Variants in RBM47 observed in about 807,000 individuals in gnomAD.
RBM47 encodes the protein RNA binding motif protein 47.
RBM47 carries 21 observed loss-of-function variants against 47.1 expected under a neutral mutation model. The ratio of observed to expected loss-of-function variants is 0.45; its 90% confidence interval spans 0.32 to 0.64. The LOEUF (loss-of-function observed/expected upper bound fraction) is 0.64. Among genes scored for constraint, RBM47 ranks in the 30% least tolerant of loss-of-function variants. The probability of loss-of-function intolerance (pLI) is 0.05; values close to 1 mark genes in which losing one functional copy is unlikely to be tolerated. For missense variants in RBM47, 708 were observed against 870.9 expected (o/e 0.81, Z 2.35); for synonymous variants, 375 against 361.7 (o/e 1.04, Z -0.42).
intron 1 of RBM47, among the ~76,000 whole-genome samples, chr4:40,561,227 C>CCTTT (rs1730587605): frequency 8.8e-6 from 1 of 113,646 alleles, no homozygotes; most frequent in African/African-American, 3.4e-5. Flanking sequence ...TTTCCATTGT[C>CCTTT]TTTTTTTTTT....
At chr4:40,585,562 A>G (rs1350867757) in intron 1 of RBM47, among the ~76,000 whole-genome samples, 1 of 152,236 alleles carries the variant, frequency 6.6e-6, no homozygotes, top group African/African-American at 2.4e-5. Context: ...TCATACTAGC[A>G]GCCTTGATTA....
chr4:40,531,531 G>A (rs1434791662), intron 2 of RBM47, among the ~76,000 whole-genome samples: 3 of 152,068 alleles, frequency 2.0e-5, no homozygotes, highest in Non-Finnish European at 4.4e-5. Context: ...GGGTTTCAGA[G>A]GAGCCTGGAG....
intron 2 of RBM47, among the ~76,000 whole-genome samples, chr4:40,478,208 T>C (rs1719911083): frequency 1.3e-5 from 2 of 151,738 alleles, no homozygotes; most frequent in Admixed American, 6.6e-5. Context: ...AGAGACGGGG[T>C]TTCACCATGT....
In RBM47 at chr4:40,577,066, T is replaced by G. The variant is rs570113929; in HGVS notation, c.-239-32560A>C. On this transcript the variant is annotated intron_variant, in intron 1 of 6. Coordinates refer to ENST00000295971, the MANE Select transcript of RBM47 (RefSeq NM_001098634.2). Reference sequence around the variant, plus strand: ...AGCGTCCCTGGCAGTAACGAATCATTAACTTTCAGCCCACTCCAAGGAATG... The same window carrying G: ...AGCGTCCCTGGCAGTAACGAATCATGAACTTTCAGCCCACTCCAAGGAATG... 7.2e-5 allele frequency among the ~76,000 whole-genome samples: 11 copies of G among 152,258 alleles called. No homozygotes were observed. The South Asian group carries it at 2.3e-3, about 32-fold the overall frequency.
At chr4:40,569,640 A>C (rs2154268430) in intron 1 of RBM47, among the ~76,000 whole-genome samples, 1 of 151,248 alleles carries the variant, frequency 6.6e-6, no homozygotes, top group South Asian at 2.1e-4. Context: ...CTATCTCCTG[A>C]CCTGGTGATC....
intron 6 of RBM47, among the ~76,000 whole-genome samples, chr4:40,431,655 C>CT (rs1577599978): frequency 8.4e-5 from 1 of 11,916 alleles, no homozygotes; most frequent in East Asian, 2.1e-3. Context: ...GAGACTCCGT[C>CT]TAAAAAAAAA....
chr4:40,616,879 T>C (rs867998013), intron 1 of RBM47, among the ~76,000 whole-genome samples: 32 of 144,132 alleles, frequency 2.2e-4, no homozygotes, highest in South Asian at 6.9e-4. Context: ...CTTTTCTTTT[T>C]TTTTTTTTTT....
chr4:40,575,264 A>G (rs370038932), intron 1 of RBM47, among the ~76,000 whole-genome samples: 9 of 152,294 alleles, frequency 5.9e-5, no homozygotes, highest in African/African-American at 2.2e-4. Flanking sequence ...CTATAAAGAA[A>G]TACCAAGGAA....
rs1409011090 is a variant in RBM47, at chr4:40,426,019, T to C, written c.1667A>G (p.Gln556Arg). The C allele has an allele frequency of 1.2e-6, 2 of 1,614,188 alleles. No homozygotes were observed. Among genetic ancestry groups the C allele is most frequent in the Non-Finnish European group, 1.7e-6 (2 of 1,180,044 alleles). Residue 556 changes from glutamine (Q) to arginine (R), a missense_variant, in exon 7 of 7, where the codon CAG becomes CGG. Transcript: ENST00000295971. Reference protein sequence around the residue: ...APATATIATLQKNAAAAAAMY... With the variant: ...APATATIATLRKNAAAAAAMY... ...GGCGGCCGCGGCTGCCGCGTTCTTC[T>C]GTAGTGTGGCGATCGTGGCTGTAGC...
In RBM47 at chr4:40,615,909, T is replaced by G. The variant is rs572732760; in HGVS notation, c.-240+13487A>C. Among the ~76,000 whole-genome samples, 342 of 152,248 alleles carry G rather than the reference T, an allele frequency of 2.2e-3. 1 individual carries two copies. Among genetic ancestry groups the G allele is most frequent in the African/African-American group, 7.8e-3 (323 of 41,564 alleles). The stretch of plus-strand genomic sequence containing the variant: ...CTCAATTAAGCAATAATAAATACAA[T>G]TACACCTCATGGGCTCCACTGGTGT... On this transcript the variant is annotated intron_variant, in intron 1 of 6. Transcript: ENST00000295971.
intron 1 of RBM47, among the ~76,000 whole-genome samples, chr4:40,583,165 G>A (rs560546663): frequency 5.9e-5 from 9 of 152,174 alleles, no homozygotes; most frequent in African/African-American, 1.7e-4. Context: ...AGTGGCTCAC[G>A]CCTGTAATTC....
intron 2 of RBM47, among the ~76,000 whole-genome samples, chr4:40,525,929 A>G (rs1268999617): frequency 6.6e-6 from 1 of 152,232 alleles, no homozygotes; most frequent in Non-Finnish European, 1.5e-5. Flanking sequence ...TAGGGCCTGA[A>G]GTTTGGCTCT....
chr4:40,594,709 T>C (rs1734596553), intron 1 of RBM47, among the ~76,000 whole-genome samples: 1 of 152,312 alleles, frequency 6.6e-6, no homozygotes, highest in South Asian at 2.1e-4. Flanking sequence ...CTGAATTCCA[T>C]GGACCCAAAT....
chr4:40,583,782 C>T (rs1418720004), intron 1 of RBM47, among the ~76,000 whole-genome samples: 3 of 147,744 alleles, frequency 2.0e-5, no homozygotes, highest in East Asian at 2.0e-4. Context: ...GGCGTGAACC[C>T]GGGAGGCAGA....
chr4:40,451,371 C>G (rs184945008), intron 3 of RBM47, among the ~76,000 whole-genome samples: 1 of 152,110 alleles, frequency 6.6e-6, no homozygotes, highest in Admixed American at 6.5e-5. Flanking sequence ...GTTCTGTTGT[C>G]TAATTGACTT....
intron 5 of RBM47, among the ~76,000 whole-genome samples, chr4:40,436,131 C>T (rs911088592): frequency 1.3e-5 from 2 of 149,826 alleles, no homozygotes; most frequent in Admixed American, 1.3e-4. Context: ...AAGATCATGC[C>T]ACTGCACTCC....
chr4:40,517,124 C>T lies in RBM47; in HGVS notation c.-155+27298G>A, dbSNP rs146676606. 4.2e-3 allele frequency among the ~76,000 whole-genome samples: 580 copies of T among 138,656 alleles called. 2 individuals are homozygous for T. Among genetic ancestry groups the T allele is most frequent in the African/African-American group, 0.014 (556 of 38,802 alleles). 91.0% of individuals were successfully genotyped at this position (138,656 alleles called of 152,430 possible). A position where few individuals can be genotyped will look rare whatever the true frequency, so the allele number is the denominator to read the frequency against. ...CCCTCCCTCCCCACCTTCCTTCCTT[C>T]CCTCCTTCCTTCCTTCCTTCTTTCT... is the stretch of plus-strand genomic sequence containing the variant. On this transcript the variant is annotated intron_variant, in intron 2 of 6. Transcript: ENST00000295971.
chr4:40,430,103 G>C (rs1161989927), intron 6 of RBM47, among the ~76,000 whole-genome samples: 1 of 152,142 alleles, frequency 6.6e-6, no homozygotes, highest in African/African-American at 2.4e-5. Context: ...GCTGAGGCCG[G>C]AGAATCGCCT....
chr4:40,432,987 G>A (rs4861002), intron 5 of RBM47, 125 bp from the exon 6 acceptor site: 487,815 of 1,336,984 alleles, frequency 0.36, 92,733 homozygotes, highest in South Asian at 0.4. Flanking sequence ...TTGAGACAGG[G>A]TCTCACTCTG....
Sources: gnomAD v4.1 joint callset for allele counts (sites outside exome capture counted in the v4.1 genomes callset) on GRCh38, gnomAD v4.1.1 for gene constraint, MANE v1.5 for transcripts, NCBI Gene and HGNC (gene_info 2026-07-23, HGNC 2026-07-21) for gene names.